The following POLI variants were observed in gnomAD, a reference collection of about 807,000 sequenced individuals.
POLI encodes the protein RAD30 homolog B.
In POLI, 58 loss-of-function variants were observed where a neutral mutation model predicts 51.6. The observed-to-expected ratio is 1.12, with a 90% CI of 0.91 to 1.40. The LOEUF is 1.40. Ranked by LOEUF, POLI falls within the 40% of genes most tolerant of loss-of-function variation. The pLI is 0.00. For missense variants in POLI, 921 were observed against 871.3 expected, an observed-to-expected ratio of 1.06 and a Z score of -0.72; for synonymous variants, 322 against 299.7, an observed-to-expected ratio of 1.07 and a Z score of -0.77.
intron 4 of POLI, among the ~76,000 whole-genome samples, chr18:54,320,548 A>G (rs2088778288): frequency 6.6e-6 from 1 of 152,198 alleles, no homozygotes; most frequent in Admixed American, 6.5e-5. Flanking sequence ...GATACATAAT[A>G]TTTTTGAATA....
At chr18:54,312,983 T>C (rs1329109699) in intron 3 of POLI, among the ~76,000 whole-genome samples, 1 of 152,234 alleles carries the variant, frequency 6.6e-6, no homozygotes, top group Non-Finnish European at 1.5e-5. Context: ...ATTTTTGTTT[T>C]CATTGTAATT....
intron 1 of POLI, 75 bp downstream of exon 1, chr18:54,269,736 C>T: frequency 2.1e-6 from 3 of 1,408,384 alleles, no homozygotes; most frequent in Non-Finnish European, 2.8e-6. Flanking sequence ...ACGCTCGGGG[C>T]GGCGGCCACT....
At chr18:54,273,165 CTG>C (rs1357898487) in intron 2 of POLI, among the ~76,000 whole-genome samples, 1 of 151,868 alleles carries the variant, frequency 6.6e-6, no homozygotes, top group Admixed American at 6.6e-5. Context: ...TTTATGCAGT[CTG>C]TAAATAAATG....
chr18:54,295,177 C>A lies in POLI; in HGVS notation c.*710C>A, dbSNP rs551451463. On this transcript the variant is annotated 3_prime_UTR_variant, in exon 10 of 10. Transcript: ENST00000579534. ...AGTAAATTAAGGGAAAGATGGACAC[C>A]AGAAAGGCAAGGTGATGGGCCTATA... The A allele has an allele frequency of 2.0e-6, 2 of 985,294 alleles. No individual in the cohort carries two copies. The highest frequency in any genetic ancestry group is 2.3e-4 in the East Asian group (2 of 8,808). The allele number at this position is 985,294 out of a possible 1,614,324, so 61.0% of individuals were successfully genotyped here.
intron 8 of POLI, among the ~76,000 whole-genome samples, chr18:54,289,214 T>TTC (rs1555674749): frequency 4.0e-5 from 6 of 151,242 alleles, no homozygotes; most frequent in Admixed American, 1.3e-4. Flanking sequence ...TTTTTTTTTT[T>TTC]CCATTCAAAT....
intron 3 of POLI, chr18:54,275,159 A>T (rs1568119772): frequency 6.6e-6 from 1 of 152,238 alleles, no homozygotes; most frequent in Non-Finnish European, 1.5e-5. Context: ...GAGTTTATCA[A>T]ATAGAAATAA....
At chr18:54,307,103 C>G (rs937332381) in intron 3 of POLI, among the ~76,000 whole-genome samples, 14 of 152,046 alleles carry the variant, frequency 9.2e-5, no homozygotes, top group Non-Finnish European at 1.5e-4. Flanking sequence ...GTTCTGCTCT[C>G]ATCTTAGTTA....
chr18:54,287,152 T>A (rs903919487), intron 7 of POLI, 129 bp from the exon 8 acceptor site: 76 of 570,552 alleles, frequency 1.3e-4, no homozygotes, highest in African/African-American at 1.3e-3. Context: ...GCTTACTATT[T>A]TGTTATCTGC....
chr18:54,319,541 A>G (rs2088770612), intron 3 of POLI, among the ~76,000 whole-genome samples: 1 of 152,186 alleles, frequency 6.6e-6, no homozygotes. Flanking sequence ...GGTAAGAAAG[A>G]TAAGATTTAT....
At chr18:54,291,671 A>C in intron 8 of POLI, 162 bp from the exon 9 acceptor site, 1 of 435,718 alleles carries the variant, frequency 2.3e-6, no homozygotes, top group Non-Finnish European at 4.0e-6. Context: ...ATCTTTTGAA[A>C]ATTTTTAACC....
rs2088724724 is a variant in POLI at position 54,315,630 on chromosome 18, T to C, written c.334-4643T>C. ...TAGAAGTAGTTGTTTTATGAATCGG[T>C]GCTCCAATGTTGGGCGCATATATAT... is the stretch of plus-strand genomic sequence containing the variant. On this transcript the variant is annotated intron_variant, in intron 3 of 4. Transcript: ENST00000579823. 1.3e-5 allele frequency among the ~76,000 whole-genome samples: 2 copies of C among 152,178 alleles called. 1 individual carries two copies. The highest frequency in any genetic ancestry group is 4.1e-4 in the South Asian group (2 of 4,830).
At chr18:54,269,985 C>T in intron 1 of POLI, 12 of 1,092,226 alleles carry the variant, frequency 1.1e-5, no homozygotes, top group Middle Eastern at 4.0e-4. Context: ...GCTTCTGGGC[C>T]TTTTAACTTT....
chr18:54,303,962 C>A (rs142716649), intron 3 of POLI, among the ~76,000 whole-genome samples: 32 of 150,936 alleles, frequency 2.1e-4, no homozygotes, highest in African/African-American at 6.8e-4. Flanking sequence ...TGCCCTGTGT[C>A]CAAGTGTTCT....
intron 3 of POLI, among the ~76,000 whole-genome samples, chr18:54,305,390 A>G (rs1261064959): frequency 6.6e-6 from 1 of 152,200 alleles, no homozygotes; most frequent in Non-Finnish European, 1.5e-5. Context: ...CTTCCTATCC[A>G]TGAGCATGGA....
intron 7 of POLI, among the ~76,000 whole-genome samples, chr18:54,286,341 A>G (rs1472164899): frequency 6.6e-6 from 1 of 152,162 alleles, no homozygotes; most frequent in Non-Finnish European, 1.5e-5. Flanking sequence ...CATATCACTA[A>G]AACCTTTGTT....
rs775547733 is a variant in POLI at position 54,280,741 on chromosome 18, A to T, written c.634A>T (p.Met212Leu). 6.2e-7 allele frequency: 1 copy of T among 1,613,970 alleles called. No individual in the cohort carries two copies. Among genetic ancestry groups the T allele is most frequent in the Non-Finnish European group, 8.5e-7 (1 of 1,179,826 alleles). ...GATTGCAGCAGAGATGCGGGAAGCC[A>T]TGTATAATCAGTTGGGGCTCACTGG... ...SQIAAEMREAMYNQLGLTGCA... is the reference protein window; with the variant it reads ...SQIAAEMREALYNQLGLTGCA... The change falls in exon 5 of 10, where the codon ATG becomes TTG. Residue 212 changes from methionine (M) to leucine (L), a missense_variant. Coordinates refer to ENST00000579534, the MANE Select transcript of POLI (RefSeq NM_007195.3).
At chr18:54,270,567 T>C (rs1401479338) in intron 1 of POLI, 2 of 152,226 alleles carry the variant, frequency 1.3e-5, no homozygotes, top group Non-Finnish European at 1.5e-5. Flanking sequence ...TTAACATTGG[T>C]ATAATACTAT....
rs1254716645 is a variant in POLI at position 54,287,581 on chromosome 18, T to G, written c.1198+170T>G. ...ACTGGAAAACTTTGTTGTTTGTTTA[T>G]TTATTTATTTATTTTTTGAGACAGG... On this transcript the variant is annotated intron_variant, in intron 8 of 9. Coordinates refer to ENST00000579534, the MANE Select transcript of POLI (RefSeq NM_007195.3). 1.8e-5 allele frequency: 9 copies of G among 500,090 alleles called. 1 individual carries two copies. The highest frequency in any genetic ancestry group is 1.4e-4 in the African/African-American group (7 of 51,132). 31.0% of individuals were successfully genotyped at this position (500,090 alleles called of 1,614,324 possible).
intron 8 of POLI, among the ~76,000 whole-genome samples, chr18:54,290,782 G>A (rs1396037510): frequency 6.6e-6 from 1 of 152,070 alleles, no homozygotes; most frequent in Admixed American, 6.6e-5. Flanking sequence ...TGAACAACGA[G>A]GACACATGGA....
Sources: allele counts gnomAD v4.1 joint callset (sites outside exome capture counted in the v4.1 genomes callset), GRCh38; gene constraint gnomAD v4.1.1; transcripts MANE v1.5; gene names NCBI Gene and HGNC (gene_info 2026-07-23, HGNC 2026-07-21).